SCGB2B2: variants seen among roughly 807,000 people sequenced by gnomAD.
The protein encoded by SCGB2B2 is secretoglobin family 2B member 2.
In SCGB2B2, 11 loss-of-function variants were observed where a neutral mutation model predicts 7.6. The observed-to-expected ratio is 1.45, with a 90% CI of 0.91 to 2.40. The LOEUF (loss-of-function observed/expected upper bound fraction) is 2.40. Ranked by LOEUF, SCGB2B2 falls within the 30% of genes most tolerant of loss-of-function variation. The pLI is 0.00. For missense variants in SCGB2B2, 104 were observed against 115.4 expected (o/e 0.90, Z 0.45); for synonymous variants, 50 against 48.6 (o/e 1.03, Z -0.12).
chr19:34,668,159 G>T (rs1342895916), intron 1 of SCGB2B2, among the ~76,000 whole-genome samples: 5 of 152,208 alleles, frequency 3.3e-5, no homozygotes, highest in Non-Finnish European at 7.4e-5. Flanking sequence ...GCCAAGGCGG[G>T]AGCCGGCTCC....
At chr19:34,634,865 A>T (rs2066632658) in intron 1 of SCGB2B2, 1 of 278,338 alleles carries the variant, frequency 3.6e-6, no homozygotes, top group Admixed American at 3.7e-5. Context: ...CACCAGTGTG[A>T]ACTCTCTGGT....
At chr19:34,610,910 A>G (rs909148936) in intron 1 of SCGB2B2, among the ~76,000 whole-genome samples, 2 of 152,012 alleles carry the variant, frequency 1.3e-5, no homozygotes, top group Non-Finnish European at 2.9e-5. Context: ...AGTTCTACTT[A>G]AATATTTTGT....
chr19:34,631,009 C>G (rs1388115651), intron 1 of SCGB2B2, among the ~76,000 whole-genome samples: 3 of 150,420 alleles, frequency 2.0e-5, no homozygotes, highest in Non-Finnish European at 4.4e-5. Context: ...CAAACTATCA[C>G]AAGGACAAAA....
chr19:34,647,208 G>A (rs2067044707), intron 1 of SCGB2B2, among the ~76,000 whole-genome samples: 1 of 152,188 alleles, frequency 6.6e-6, no homozygotes, highest in Admixed American at 6.5e-5. Flanking sequence ...GGGACACTGA[G>A]GTCACAGGGA....
Position 34,593,429 on chromosome 19 carries a change from A to C in SCGB2B2, c.*126T>G. The stretch of plus-strand genomic sequence containing the variant: ...TCACAGCCAACCCCACACAGATGCC[A>C]GAACACAGAACTGAGCTGCAGGTGT... On this transcript the variant is annotated 3_prime_UTR_variant, in exon 4 of 4. Coordinates refer to ENST00000601241, the MANE Select transcript of SCGB2B2 (RefSeq NM_001025591.4). 2 of 692,200 alleles carry C rather than the reference A, an allele frequency of 2.9e-6. No individual in the cohort carries two copies. Among genetic ancestry groups the C allele is most frequent in the Non-Finnish European group, 5.0e-6 (2 of 399,230 alleles). 42.9% of individuals were successfully genotyped at this position (692,200 alleles called of 1,614,324 possible). A position where few individuals can be genotyped will look rare whatever the true frequency, so the allele number is the denominator to read the frequency against.
chr19:34,588,892 T>C (rs1156566905), downstream of SCGB2B2, among the ~76,000 whole-genome samples: 1 of 139,222 alleles, frequency 7.2e-6, no homozygotes, highest in East Asian at 2.2e-4. Context: ...GGAACCACCC[T>C]GGCAGAGGTC....
chr19:34,613,224 G>C (rs1381070806), intron 1 of SCGB2B2, among the ~76,000 whole-genome samples: 2 of 151,816 alleles, frequency 1.3e-5, no homozygotes, highest in Non-Finnish European at 2.9e-5. Context: ...TTAGCCTCCT[G>C]AGCAGCTGGG....
chr19:34,661,284 T>C (rs1346951965), intron 1 of SCGB2B2, among the ~76,000 whole-genome samples: 5 of 151,584 alleles, frequency 3.3e-5, no homozygotes, highest in Admixed American at 3.3e-4. Flanking sequence ...AAAAAATAAA[T>C]AAATAAACGT....
chr19:34,591,368 G>T lies in SCGB2B2; in HGVS notation c.*2187C>A, dbSNP rs1175436656. On this transcript the variant is annotated 3_prime_UTR_variant, in exon 4 of 4. Coordinates refer to ENST00000601241, the MANE Select transcript of SCGB2B2 (RefSeq NM_001025591.4). ...CCCCATATTCAATTCAACAGCAGGT[G>T]CTGTCAGTGCTGCCCCAGCCTCTGT... is the stretch of plus-strand genomic sequence containing the variant. Among the ~76,000 whole-genome samples, 1 of 152,162 alleles carries T rather than the reference G, an allele frequency of 6.6e-6. No homozygotes were observed. The highest frequency in any genetic ancestry group is 6.5e-5 in the Admixed American group (1 of 15,284).
chr19:34,591,181 G>A lies in SCGB2B2; in HGVS notation c.*2374C>T, dbSNP rs923370120. Reference sequence around the variant, plus strand: ...CTCCTGGATAGCTAATGGATGTCTTGGATGTGGGAAACTTATCCAGGCCAG... The same window carrying A: ...CTCCTGGATAGCTAATGGATGTCTTAGATGTGGGAAACTTATCCAGGCCAG... On this transcript the variant is annotated 3_prime_UTR_variant, in exon 4 of 4. Transcript: ENST00000601241. Among the ~76,000 whole-genome samples, 2 of 152,182 alleles carry A rather than the reference G, an allele frequency of 1.3e-5. No homozygotes were observed. The highest frequency in any genetic ancestry group is 2.9e-5 in the Non-Finnish European group (2 of 68,030).
chr19:34,655,141 C>T (rs1000099324), intron 1 of SCGB2B2, among the ~76,000 whole-genome samples: 1 of 151,212 alleles, frequency 6.6e-6, no homozygotes, highest in Non-Finnish European at 1.5e-5. Flanking sequence ...GAATGGACCC[C>T]TCCTCTTGGC....
chr19:34,662,178 C>T (rs956864684), intron 1 of SCGB2B2, among the ~76,000 whole-genome samples: 1 of 152,048 alleles, frequency 6.6e-6, no homozygotes, highest in Non-Finnish European at 1.5e-5. Flanking sequence ...CCGCGCCGGG[C>T]CATGTTAGTG....
downstream of SCGB2B2, among the ~76,000 whole-genome samples, chr19:34,585,763 C>T (rs1180779550): frequency 6.6e-6 from 1 of 152,106 alleles, no homozygotes; most frequent in East Asian, 1.9e-4. Flanking sequence ...ACAGGAGTGG[C>T]TAATGGATCC....
At chr19:34,641,944 C>T (rs1003028376) in intron 1 of SCGB2B2, among the ~76,000 whole-genome samples, 2 of 152,132 alleles carry the variant, frequency 1.3e-5, no homozygotes, top group African/African-American at 4.8e-5. Context: ...TTCTAAAAAT[C>T]AATCTTCCTC....
chr19:34,620,133 C>T (rs1235059186), intron 1 of SCGB2B2, among the ~76,000 whole-genome samples: 6 of 152,058 alleles, frequency 3.9e-5, no homozygotes, highest in African/African-American at 9.7e-5. Flanking sequence ...AATTTTGGAA[C>T]GTGTTCTCAA....
chr19:34,616,685 T>C (rs1279824733), intron 1 of SCGB2B2, among the ~76,000 whole-genome samples: 1 of 142,584 alleles, frequency 7.0e-6, no homozygotes, highest in Non-Finnish European at 1.5e-5. Context: ...AGCTCTTTAG[T>C]TTAATTAGAT....
At chr19:34,642,052 G>A (rs557313742) in intron 1 of SCGB2B2, among the ~76,000 whole-genome samples, 1 of 152,116 alleles carries the variant, frequency 6.6e-6, no homozygotes, top group Non-Finnish European at 1.5e-5. Flanking sequence ...CTGCTGTTTT[G>A]GAAGCTGCAG....
chr19:34,644,674 G>A (rs1456560559), intron 1 of SCGB2B2, among the ~76,000 whole-genome samples: 2 of 151,938 alleles, frequency 1.3e-5, no homozygotes, highest in South Asian at 2.1e-4. Flanking sequence ...ATTTCACTTC[G>A]TTTTATTTCT....
intron 1 of SCGB2B2, among the ~76,000 whole-genome samples, chr19:34,669,700 G>C (rs2067745999): frequency 2.1e-4 from 1 of 4,744 alleles, no homozygotes; most frequent in African/African-American, 7.6e-4. Flanking sequence ...CTGCAGACCT[G>C]CCCTGCCCCC....
Sources: allele counts gnomAD v4.1 joint callset (sites outside exome capture counted in the v4.1 genomes callset), GRCh38; gene constraint gnomAD v4.1.1; transcripts MANE v1.5; gene names NCBI Gene and HGNC (gene_info 2026-07-23, HGNC 2026-07-21).